Variants in VPS13B observed in about 807,000 individuals in gnomAD.
VPS13B encodes the protein vacuolar protein sorting 13 homolog B.
Under a neutral mutation model 426.4 loss-of-function variants are expected in VPS13B, and 285 were observed. That is an observed-to-expected ratio of 0.67 (90% confidence interval 0.61 to 0.74). VPS13B has a LOEUF of 0.74. Among genes scored for constraint, VPS13B ranks in the 30% least tolerant of loss-of-function variants. VPS13B has a pLI of 0.00. For missense variants in VPS13B, 4,537 were observed against 4,782.6 expected (o/e 0.95, Z 1.51); for synonymous variants, 1,676 against 1,676.4 (o/e 1.00, Z 0.01).
intron 51 of VPS13B, among the ~76,000 whole-genome samples, chr8:99,826,075 A>G (rs866316616): frequency 3.3e-5 from 5 of 152,146 alleles, no homozygotes; most frequent in Non-Finnish European, 7.4e-5. Context: ...TTCTACATGA[A>G]GTTTAAAGTA....
At chr8:99,565,093 G>T (rs566376841) in intron 31 of VPS13B, among the ~76,000 whole-genome samples, 76 of 152,212 alleles carry the variant, frequency 5.0e-4, no homozygotes, top group African/African-American at 1.8e-3. Flanking sequence ...TTACCTGAAA[G>T]TACCACTAAG....
At chr8:99,519,809 G>T (rs1822275712) in intron 29 of VPS13B, among the ~76,000 whole-genome samples, 1 of 130,888 alleles carries the variant, frequency 7.6e-6, no homozygotes, top group South Asian at 3.0e-4. Context: ...TGTGGGGTGG[G>T]GGGAGGGTGG....
intron 19 of VPS13B, among the ~76,000 whole-genome samples, chr8:99,365,181 G>T (rs1327512210): frequency 2.0e-5 from 3 of 147,284 alleles, no homozygotes. Flanking sequence ...TCTTTATCTG[G>T]CTAAAACTTT....
At chr8:99,712,317 C>T (rs931048590) in intron 36 of VPS13B, among the ~76,000 whole-genome samples, 1 of 152,192 alleles carries the variant, frequency 6.6e-6, no homozygotes, top group African/African-American at 2.4e-5. Context: ...TTCTTAACCT[C>T]AAGACCAGGG....
chr8:99,110,264 C>T (rs1056374385), intron 5 of VPS13B, among the ~76,000 whole-genome samples: 1 of 152,046 alleles, frequency 6.6e-6, no homozygotes, highest in Non-Finnish European at 1.5e-5. Context: ...ATTCCCATGG[C>T]TAACTTAAAA....
At chr8:99,605,742 C>T (rs1827536676) in intron 33 of VPS13B, among the ~76,000 whole-genome samples, 1 of 152,172 alleles carries the variant, frequency 6.6e-6, no homozygotes, top group Non-Finnish European at 1.5e-5. Context: ...TTAGCATTCT[C>T]CAGGGCAGGT....
Position 99,876,371 on chromosome 8 carries a change from T to TTGA in VPS13B, c.*707_*709dup, listed in dbSNP as rs1817703623. 1 of 152,378 alleles carries TTGA rather than the reference T, an allele frequency of 6.6e-6. No homozygotes were observed. The highest frequency in any genetic ancestry group is 2.4e-5 in the African/African-American group (1 of 41,310). 9.4% of individuals were successfully genotyped at this position (152,378 alleles called of 1,614,324 possible). On this transcript the variant is annotated 3_prime_UTR_variant, in exon 62 of 62. Coordinates refer to ENST00000357162, the MANE Select transcript of VPS13B (RefSeq NM_152564.5). ...ACTAAAATTTACAACAGTCTGATGATTGATTGATTACTGTCCAGGTACATT... is the reference window on the plus strand; with the variant it reads ...ACTAAAATTTACAACAGTCTGATGATTGATGATTGATTACTGTCCAGGTACATT...
intron 5 of VPS13B, among the ~76,000 whole-genome samples, chr8:99,110,047 A>C (rs1847280466): frequency 1.3e-5 from 2 of 152,250 alleles, no homozygotes; most frequent in Non-Finnish European, 2.9e-5. Flanking sequence ...TATAATATGT[A>C]AATTTGAAAT....
chr8:99,697,422 G>T, intron 35 of VPS13B: 3 of 670,840 alleles, frequency 4.5e-6, no homozygotes, highest in South Asian at 1.8e-5. Flanking sequence ...CTGCTAGAGA[G>T]CTTGAAGGAG....
chr8:99,442,487 A>C lies in VPS13B; in HGVS notation c.3297A>C (p.Thr1099=), dbSNP rs200982547. Residue 1099 remains threonine, a synonymous_variant, in exon 23 of 62, where the codon ACA becomes ACC. Coordinates refer to ENST00000357162, the MANE Select transcript of VPS13B (RefSeq NM_152564.5). The part of the protein sequence containing the change: ...STIVSGDIPG[T]VRSWYHGQTS... ...TTGTATCTGGTGACATTCCTGGAAC[A>C]GTAAGAAGTTGGTACCATGGACAAA... is the stretch of plus-strand genomic sequence containing the variant. 5.4e-5 allele frequency: 87 copies of C among 1,614,018 alleles called. No individual in the cohort carries two copies. The East Asian group carries it at 1.8e-3, about 33-fold the overall frequency.
intron 30 of VPS13B, among the ~76,000 whole-genome samples, chr8:99,551,604 CT>C (rs747708157): frequency 1.7e-4 from 26 of 151,980 alleles, no homozygotes; most frequent in Middle Eastern, 3.4e-3. Flanking sequence ...TGTTCCATAT[CT>C]GTTATTTTAG....
intron 35 of VPS13B, among the ~76,000 whole-genome samples, chr8:99,673,123 T>A (rs1337963335): frequency 6.6e-6 from 1 of 152,114 alleles, no homozygotes; most frequent in African/African-American, 2.4e-5. Flanking sequence ...GGTTTTCATA[T>A]CAGGCTAATA....
intron 16 of VPS13B, among the ~76,000 whole-genome samples, chr8:99,185,150 A>G (rs563022879): frequency 6.6e-6 from 1 of 152,336 alleles, no homozygotes; most frequent in Non-Finnish European, 1.5e-5. Flanking sequence ...TCTCTAAGAT[A>G]TGTTGTTTAC....
intron 22 of VPS13B, among the ~76,000 whole-genome samples, chr8:99,435,951 C>G (rs1215949505): frequency 2.0e-5 from 3 of 152,136 alleles, no homozygotes; most frequent in Admixed American, 6.6e-5. Flanking sequence ...TAGGAGTTAT[C>G]TGCAGATGGT....
intron 16 of VPS13B, among the ~76,000 whole-genome samples, chr8:99,181,830 C>T (rs1457774520): frequency 5.3e-5 from 8 of 151,790 alleles, no homozygotes; most frequent in African/African-American, 1.7e-4. Context: ...TTATAAACTT[C>T]TATAAAGCAG....
intron 19 of VPS13B, among the ~76,000 whole-genome samples, chr8:99,373,343 A>G (rs1438040753): frequency 6.6e-6 from 1 of 151,906 alleles, no homozygotes; most frequent in African/African-American, 2.4e-5. Context: ...AAAAAAAAAG[A>G]AAAAGAAGTT....
At chr8:99,064,598 T>C (rs2132310312) in intron 3 of VPS13B, among the ~76,000 whole-genome samples, 1 of 152,340 alleles carries the variant, frequency 6.6e-6, no homozygotes, top group Non-Finnish European at 1.5e-5. Flanking sequence ...TCATGAAATA[T>C]GGGACTATGT....
intron 23 of VPS13B, among the ~76,000 whole-genome samples, chr8:99,465,590 T>A (rs560282866): frequency 6.6e-6 from 1 of 152,210 alleles, no homozygotes; most frequent in Non-Finnish European, 1.5e-5. Flanking sequence ...ATTTCTTGGA[T>A]ACAATAGGAT....
chr8:99,226,969 A>G (rs1264109639), intron 17 of VPS13B, among the ~76,000 whole-genome samples: 1 of 152,144 alleles, frequency 6.6e-6, no homozygotes, highest in Non-Finnish European at 1.5e-5. Context: ...TGCCATCAAC[A>G]TTAGAACTTA....
Sources: gnomAD v4.1 joint callset for allele counts (sites outside exome capture counted in the v4.1 genomes callset) on GRCh38, gnomAD v4.1.1 for gene constraint, MANE v1.5 for transcripts, NCBI Gene and HGNC (gene_info 2026-07-23, HGNC 2026-07-21) for gene names.